ZSWIM6: variants seen among roughly 807,000 people sequenced by gnomAD.
The protein encoded by ZSWIM6 is zinc finger SWIM-type containing 6.
In ZSWIM6, 9 loss-of-function variants were observed where a neutral mutation model predicts 113.2. The ratio of observed to expected loss-of-function variants is 0.08; its 90% CI spans 0.05 to 0.14. The LOEUF (loss-of-function observed/expected upper bound fraction) is 0.14, where lower values mean the gene tolerates loss of function less well. Ranked by LOEUF, ZSWIM6 falls within the 10% of genes least tolerant of loss-of-function variation. The pLI is 1.00. For synonymous variants in ZSWIM6, 611 were observed against 606.5 expected, an observed-to-expected ratio of 1.01 and a Z score of -0.11; for missense variants, 1,162 against 1,552.2, an observed-to-expected ratio of 0.75 and a Z score of 4.22.
At chr5:61,505,843 G>A (rs66775554) in intron 4 of ZSWIM6, among the ~76,000 whole-genome samples, 30,194 of 150,852 alleles carry the variant, frequency 0.2, 3,163 homozygotes, top group South Asian at 0.35. Flanking sequence ...CCACCTCCCT[G>A]GTTCATGCCA....
chr5:61,485,717 C>T (rs1380867134), intron 2 of ZSWIM6, among the ~76,000 whole-genome samples: 1 of 152,196 alleles, frequency 6.6e-6, no homozygotes, highest in Non-Finnish European at 1.5e-5. Context: ...ACCCTGTGTG[C>T]ACACCATCAG....
intron 1 of ZSWIM6, among the ~76,000 whole-genome samples, chr5:61,419,588 T>C (rs1746316091): frequency 1.3e-5 from 2 of 152,248 alleles, no homozygotes; most frequent in South Asian, 4.1e-4. Context: ...TTCTCAGTGA[T>C]GCATTTCAAG....
intron 1 of ZSWIM6, among the ~76,000 whole-genome samples, chr5:61,392,030 C>T (rs919806223): frequency 1.1e-4 from 16 of 152,082 alleles, no homozygotes; most frequent in Admixed American, 6.5e-4. Flanking sequence ...GACATGCATT[C>T]GTGTTTTGAC....
At chr5:61,475,661 C>T (rs1477111286) in intron 2 of ZSWIM6, among the ~76,000 whole-genome samples, 1 of 152,152 alleles carries the variant, frequency 6.6e-6, no homozygotes, top group Non-Finnish European at 1.5e-5. Flanking sequence ...GCCTTCCTGC[C>T]TTCCATTCTA....
chr5:61,451,069 T>C (rs555114296), intron 1 of ZSWIM6, among the ~76,000 whole-genome samples: 4 of 152,180 alleles, frequency 2.6e-5, no homozygotes, highest in Admixed American at 1.3e-4. Flanking sequence ...GTTGTTGTCA[T>C]TGTGATCAAT....
chr5:61,528,186 A>T (rs988660551), intron 7 of ZSWIM6, among the ~76,000 whole-genome samples: 2 of 152,154 alleles, frequency 1.3e-5, no homozygotes, highest in African/African-American at 4.8e-5. Flanking sequence ...GCTACTTGTT[A>T]TGGGCCAAGA....
chr5:61,349,817 T>C (rs1744743576), intron 1 of ZSWIM6, among the ~76,000 whole-genome samples: 1 of 152,204 alleles, frequency 6.6e-6, no homozygotes, highest in African/African-American at 2.4e-5. Context: ...AGTGATTGCT[T>C]TTTCCTTCTA....
intron 1 of ZSWIM6, among the ~76,000 whole-genome samples, chr5:61,345,358 A>G (rs940386205): frequency 2.6e-5 from 4 of 152,230 alleles, no homozygotes; most frequent in African/African-American, 9.6e-5. Flanking sequence ...TCTAGATTCT[A>G]TACACCCTAG....
intron 1 of ZSWIM6, among the ~76,000 whole-genome samples, chr5:61,409,492 T>C (rs1021918851): frequency 6.6e-6 from 1 of 152,262 alleles, no homozygotes; most frequent in African/African-American, 2.4e-5. Flanking sequence ...GGGTTATTAC[T>C]GCTGATTTTC....
chr5:61,434,162 A>G (rs1746648541), intron 1 of ZSWIM6, among the ~76,000 whole-genome samples: 2 of 147,484 alleles, frequency 1.4e-5, no homozygotes, highest in South Asian at 4.2e-4. Flanking sequence ...ATATAAATAT[A>G]TGTATTATAT....
At chr5:61,427,650 T>A (rs1561233098) in intron 1 of ZSWIM6, among the ~76,000 whole-genome samples, 1 of 152,068 alleles carries the variant, frequency 6.6e-6, no homozygotes. Flanking sequence ...CGTTAATTTT[T>A]ATTTTTTTTT....
At chr5:61,335,301 TC>T in intron 1 of ZSWIM6, among the ~76,000 whole-genome samples, 2 of 152,348 alleles carry the variant, frequency 1.3e-5, no homozygotes, top group Admixed American at 1.3e-4. Context: ...TGGAAAATAT[TC>T]TTTTTTCGCC....
At position 61,487,837 on chromosome 5, in the gene ZSWIM6, ACTT is replaced by A. The variant is rs1276617015; in HGVS notation, c.1034-2942_1034-2940del. Among the ~76,000 whole-genome samples, 31 of 152,060 alleles carry A rather than the reference ACTT, an allele frequency of 2.0e-4. No homozygotes were observed. The East Asian group carries it at 4.8e-3, about 24-fold the overall frequency. On this transcript the variant is annotated intron_variant, in intron 2 of 13. Transcript: ENST00000252744. ...ATCATCCGTGAACAGGGATAATTTG[ACTT>A]CTTCTTTTCCAATTTGGATGCCTTT... is the stretch of plus-strand genomic sequence containing the variant.
rs1749283574 is a variant in ZSWIM6, at chr5:61,526,368, G to C, written c.1809G>C (p.Gln603His). The change falls in exon 7 of 14, where the codon CAG becomes CAC. Residue 603 changes from glutamine (Q) to histidine (H), a missense_variant. Gln to His is a conservative substitution (Grantham distance 24, BLOSUM62 0). This residue lies in a region of ZSWIM6 where 620 missense variants were observed against 804.6 expected (regional missense o/e 0.77). Transcript: ENST00000252744. The part of the protein sequence containing the change: ...VNTLRRQQQK[Q>H]LEMFRTQKKE... Reference sequence around the variant, plus strand: ...CATTAAGACGACAGCAGCAGAAACAGTTGGAAATGTTCCGAACCCAAAAAA... The same window carrying C: ...CATTAAGACGACAGCAGCAGAAACACTTGGAAATGTTCCGAACCCAAAAAA... 1.3e-6 allele frequency: 2 copies of C among 1,551,954 alleles called. No homozygotes were observed. The highest frequency in any genetic ancestry group is 4.9e-5 in the East Asian group (2 of 40,924).
intron 9 of ZSWIM6, among the ~76,000 whole-genome samples, chr5:61,533,985 C>T (rs1283560775): frequency 6.6e-6 from 1 of 152,168 alleles, no homozygotes; most frequent in Non-Finnish European, 1.5e-5. Context: ...TCTCTTCTTA[C>T]AAGGACACTA....
Position 61,544,509 on chromosome 5 carries a change from C to T in ZSWIM6, c.*192C>T. On this transcript the variant is annotated 3_prime_UTR_variant, in exon 14 of 14. Transcript: ENST00000252744. ...TGTGTTTTTTATTTTTTCCCTATTT[C>T]TTTCTTTCCTTTATTTTATTATTTT... is the stretch of plus-strand genomic sequence containing the variant. The T allele has an allele frequency of 6.3e-6, 2 of 315,154 alleles. No homozygotes were observed. Among genetic ancestry groups the T allele is most frequent in the East Asian group, 1.1e-4 (2 of 18,142 alleles). The allele number at this position is 315,154 out of a possible 1,614,324, so 19.5% of individuals were successfully genotyped here. A position where few individuals can be genotyped will look rare whatever the true frequency, so the allele number is the denominator to read the frequency against.
At position 61,543,783 on chromosome 5, in the gene ZSWIM6, G is replaced by C. The variant is rs1749808320; in HGVS notation, c.3114G>C (p.Glu1038Asp). The C allele has an allele frequency of 1.3e-6, 2 of 1,551,832 alleles. No homozygotes were observed. Among genetic ancestry groups the C allele is most frequent in the East Asian group, 4.9e-5 (2 of 40,924 alleles). ...TCTTTACAATAGCACGGTACATGGA[G>C]CACCGCGGGTACCCCATGAGGGCCT... is the stretch of plus-strand genomic sequence containing the variant. ...TQLFTIARYM[E>D]HRGYPMRAYK... The change falls in exon 14 of 14, where the codon GAG (glutamate) becomes GAC (aspartate). Residue 1038 changes from glutamate to aspartate, a missense_variant. Glu to Asp is a conservative substitution (Grantham distance 45). Transcript: ENST00000252744. This position sits in a 1 kb window ranked among gnomAD's most constrained non-coding sequence, Gnocchi z 4.3.
intron 1 of ZSWIM6, among the ~76,000 whole-genome samples, chr5:61,339,105 G>T (rs148184848): frequency 1.0e-3 from 158 of 152,256 alleles, no homozygotes; most frequent in African/African-American, 3.6e-3. Context: ...CATATTCACG[G>T]TTAAGAATGT....
At chr5:61,417,955 A>G (rs964524335) in intron 1 of ZSWIM6, among the ~76,000 whole-genome samples, 1 of 152,190 alleles carries the variant, frequency 6.6e-6, no homozygotes, top group Non-Finnish European at 1.5e-5. Context: ...ATTCGAAGGT[A>G]CTTTATTGGT....
Sources: allele counts gnomAD v4.1 joint callset (sites outside exome capture counted in the v4.1 genomes callset), GRCh38; gene constraint gnomAD v4.1.1; regional missense constraint gnomAD v4.1.1; non-coding constraint Gnocchi (gnomAD v3.1); transcripts MANE v1.5; gene names NCBI Gene and HGNC (gene_info 2026-07-23, HGNC 2026-07-21).